Variants in ABCC10 observed in about 807,000 individuals in gnomAD.
The protein encoded by ABCC10 is ATP-binding cassette sub-family C member 10.
A neutral mutation model predicts 143.2 loss-of-function variants in ABCC10; 110 were observed. That is an observed-to-expected ratio of 0.77 (90% CI 0.66 to 0.90). The LOEUF is 0.90. Among genes scored for constraint, ABCC10 ranks in the 40% least tolerant of loss-of-function variants. ABCC10 has a pLI of 0.00. For synonymous variants in ABCC10, 805 were observed against 846.7 expected (o/e 0.95, Z 0.85); for missense variants, 1,700 against 1,900.5 (o/e 0.89, Z 1.96).
chr6:43,443,989 A>G lies in ABCC10; in HGVS notation c.2473A>G (p.Asn825Asp), dbSNP rs776789069. The change falls in exon 11 of 22, where the codon AAT becomes GAT. Residue 825 changes from asparagine to aspartate, a missense_variant. Coordinates refer to ENST00000372530, the MANE Select transcript of ABCC10 (RefSeq NM_001198934.2). The surrounding 1 kb of genome is among the most constrained non-coding windows in gnomAD (Gnocchi z 4.2). ...VQAVPKAWAE[N>D]GQESDSATAQ... ...AGCTGTCCCCAAAGCCTGGGCTGAG[A>G]ATGGACAAGAGTCTGACTCAGGTAT... The G allele has an allele frequency of 6.2e-7, 1 of 1,614,178 alleles. No individual in the cohort carries two copies. The highest frequency in any genetic ancestry group is 8.5e-7 in the Non-Finnish European group (1 of 1,179,988).
At chr6:43,447,178 A>T in intron 16 of ABCC10, 70 bp from the exon 17 acceptor site, 2 of 1,538,584 alleles carry the variant, frequency 1.3e-6, no homozygotes, top group South Asian at 1.2e-5. Context: ...AGCAGTCCAC[A>T]GCCTGGGGAG....
At chr6:43,451,986 G>A (rs1292062536), downstream of ABCC10, 1 of 1,614,158 alleles carries the variant, frequency 6.2e-7, no homozygotes, top group East Asian at 2.2e-5. The surrounding 1 kb of genome is among the most constrained non-coding windows in gnomAD (Gnocchi z 4.4). Flanking sequence ...TCACGCCCAT[G>A]GAAGCCTGGT....
intron 8 of ABCC10, among the ~76,000 whole-genome samples, chr6:43,440,754 C>T (rs1421465663): frequency 6.6e-6 from 1 of 151,142 alleles, no homozygotes; most frequent in African/African-American, 2.4e-5. Flanking sequence ...CCCAGCTACT[C>T]GGGAGGCTGA....
At position 43,429,372 on chromosome 6, in the gene ABCC10, T is replaced by TGTGTGTGTG. The variant is rs1554200963; in HGVS notation, c.161+1233_161+1234insGTGTGTGTG. On this transcript the variant is annotated intron_variant, in intron 2 of 21. Transcript: ENST00000372530. ...TTCTTTTCTTTCTTTCTTTTCTTTC[T>TGTGTGTGTG]TGTGTGTGTGTGTGTGTGTGTGTGT... is the stretch of plus-strand genomic sequence containing the variant. Among the ~76,000 whole-genome samples, 96 of 98,238 alleles carry TGTGTGTGTG rather than the reference T, an allele frequency of 9.8e-4. 3 individuals carry two copies. Among genetic ancestry groups the TGTGTGTGTG allele is most frequent in the Middle Eastern group, 0.01 (2 of 194 alleles). The allele number at this position is 98,238 out of a possible 152,430, so 64.4% of individuals were successfully genotyped here.
chr6:43,446,438 C>T lies in ABCC10; in HGVS notation c.3536C>T (p.Ala1179Val). 6.2e-7 allele frequency: 1 copy of T among 1,610,652 alleles called. No individual in the cohort carries two copies. ...IALVQHQQGL[A>V]NPGLVGLSLS... Reference sequence around the variant, plus strand: ...CTGGTGCAGCACCAGCAGGGCCTCGCTAACCCAGGTGCCACCCAGGACCCC... The same window carrying T: ...CTGGTGCAGCACCAGCAGGGCCTCGTTAACCCAGGTGCCACCCAGGACCCC... The change falls in exon 16 of 22, where the codon GCT (alanine) becomes GTT (valine). Residue 1179 changes from alanine to valine, a missense_variant. Ala to Val is a moderately conservative substitution (Grantham distance 64). Coordinates refer to ENST00000372530, the MANE Select transcript of ABCC10 (RefSeq NM_001198934.2).
intron 21 of ABCC10, 100 bp downstream of exon 21, chr6:43,449,634 T>A: frequency 5.1e-6 from 5 of 989,122 alleles, no homozygotes. Context: ...GCCTTAGAGA[T>A]CCTGCCCCCC....
At chr6:43,437,746 C>T (rs1781903636) in intron 6 of ABCC10, among the ~76,000 whole-genome samples, 188 bp from the exon 7 acceptor site, 3 of 152,162 alleles carry the variant, frequency 2.0e-5, no homozygotes, top group Admixed American at 6.5e-5. Context: ...AAAAAAACAC[C>T]CTACTTTTCT....
intron 2 of ABCC10, among the ~76,000 whole-genome samples, chr6:43,429,583 C>T (rs1386451227): frequency 6.6e-6 from 1 of 152,012 alleles, no homozygotes; most frequent in African/African-American, 2.4e-5. Flanking sequence ...AAGTGCATGC[C>T]ACCACACCTG....
In ABCC10 at chr6:43,449,955, G is replaced by C; in HGVS notation, c.4343G>C (p.Arg1448Pro). 6.2e-7 allele frequency: 1 copy of C among 1,614,012 alleles called. No individual in the cohort carries two copies. Among genetic ancestry groups the C allele is most frequent in the Non-Finnish European group, 8.5e-7 (1 of 1,179,978 alleles). The change falls in exon 22 of 22, where the codon CGG becomes CCG. Residue 1448 changes from arginine to proline, a missense_variant. Transcript: ENST00000372530. ...CTCAACACGATCCTGAACTCAGACC[G>C]GGTGCTGGTGCTACAAGCGGGGAGA... is the stretch of plus-strand genomic sequence containing the variant. ...HRLNTILNSD[R>P]VLVLQAGRVV...
chr6:43,436,478 C>T (rs529252192), intron 6 of ABCC10, among the ~76,000 whole-genome samples: 2 of 152,298 alleles, frequency 1.3e-5, no homozygotes, highest in Admixed American at 1.3e-4. Flanking sequence ...TGTATCCATC[C>T]AGTCCAGACC....
At chr6:43,449,388 C>T in intron 20 of ABCC10, 34 bp from the exon 21 acceptor site, 1 of 1,583,504 alleles carries the variant, frequency 6.3e-7, no homozygotes, top group Non-Finnish European at 8.6e-7. Flanking sequence ...GCCTCTCCTT[C>T]CTTCTTATCC....
chr6:43,445,530 C>A, intron 14 of ABCC10, 69 bp from the exon 15 acceptor site: 1 of 1,508,586 alleles, frequency 6.6e-7, no homozygotes, highest in Non-Finnish European at 9.1e-7. Flanking sequence ...ACCCCACCTC[C>A]CCCAGTGCTG....
intron 2 of ABCC10, 78 bp from the exon 3 acceptor site, chr6:43,432,064 G>A (rs1304451576): frequency 6.4e-7 from 1 of 1,558,912 alleles, no homozygotes; most frequent in South Asian, 1.2e-5. Flanking sequence ...TTAGGTAAGT[G>A]AATTATTGGA....
chr6:43,436,081 C>A, intron 5 of ABCC10, 57 bp from the exon 6 acceptor site: 1 of 1,612,182 alleles, frequency 6.2e-7, no homozygotes, highest in Non-Finnish European at 8.5e-7. Context: ...ATGATTTACC[C>A]TCCCCAAACA....
At chr6:43,444,653 G>A in intron 12 of ABCC10, 135 bp from the exon 13 acceptor site, 1 of 1,282,558 alleles carries the variant, frequency 7.8e-7, no homozygotes, top group East Asian at 2.3e-5. Flanking sequence ...TGGGGTAGTG[G>A]CAGGGTGGGG....
chr6:43,433,000 G>A lies in ABCC10; in HGVS notation c.1020G>A (p.Leu340=), dbSNP rs1379061843. The change falls in exon 3 of 22, where the codon CTG becomes CTA. Residue 340 remains leucine, a synonymous_variant. Coordinates refer to ENST00000372530, the MANE Select transcript of ABCC10 (RefSeq NM_001198934.2). ...GTGGGGCTGTGCTGGGTGCTGTGCTGCAGAATCAGTATGGGTATGAGGTAT... is the reference window on the plus strand; with the variant it reads ...GTGGGGCTGTGCTGGGTGCTGTGCTACAGAATCAGTATGGGTATGAGGTAT... ...LAGGAVLGAV[L]QNQYGYEVYK... 2 of 1,614,174 alleles carry A rather than the reference G, an allele frequency of 1.2e-6. No individual in the cohort carries two copies. Among genetic ancestry groups the A allele is most frequent in the South Asian group, 1.1e-5 (1 of 91,088 alleles).
chr6:43,438,185 T>A, intron 7 of ABCC10, 172 bp downstream of exon 7: 1 of 906,260 alleles, frequency 1.1e-6, no homozygotes, highest in Non-Finnish European at 1.7e-6. Flanking sequence ...AGAAAGCGAA[T>A]CATTGTAATC....
rs376334614 is a variant in ABCC10, at chr6:43,444,177, A to G, written c.2513A>G (p.Gln838Arg). The change falls in exon 12 of 22, where the codon CAG becomes CGG. Residue 838 changes from glutamine (Q) to arginine (R), a missense_variant. Coordinates refer to ENST00000372530, the MANE Select transcript of ABCC10 (RefSeq NM_001198934.2). ...ESDSATAQSV[Q>R]NPEKTKEGLE... ...CTCACAGCCACAGCCCAGTCAGTAC[A>G]GAACCCAGAGAAAACAAAGGAGGGG... 7 of 1,613,660 alleles carry G rather than the reference A, an allele frequency of 4.3e-6. No homozygotes were observed. The highest frequency in any genetic ancestry group is 5.9e-6 in the Non-Finnish European group (7 of 1,179,828).
chr6:43,449,327 G>A, intron 20 of ABCC10, 95 bp from the exon 21 acceptor site: 1 of 1,485,844 alleles, frequency 6.7e-7, no homozygotes, highest in Non-Finnish European at 9.2e-7. Flanking sequence ...AGCTGGAAGT[G>A]GGGAGCTGTG....
Sources: allele counts gnomAD v4.1 joint callset (sites outside exome capture counted in the v4.1 genomes callset), GRCh38; gene constraint gnomAD v4.1.1; non-coding constraint Gnocchi (gnomAD v3.1); transcripts MANE v1.5; gene names NCBI Gene and HGNC (gene_info 2026-07-23, HGNC 2026-07-21).